The following CFAP221 variants were observed in gnomAD, a reference collection of about 807,000 sequenced individuals.
The protein encoded by CFAP221 is cilia- and flagella-associated protein 221.
Under a neutral mutation model 113.1 loss-of-function variants are expected in CFAP221, and 97 were observed. The observed-to-expected ratio is 0.86, with a 90% CI of 0.73 to 1.02. The LOEUF (loss-of-function observed/expected upper bound fraction) is 1.02, where lower values mean the gene tolerates loss of function less well. CFAP221 is among the 50% of genes least tolerant of loss of function. CFAP221 has a pLI of 0.00. For synonymous variants in CFAP221, 331 were observed against 354.4 expected (o/e 0.93, Z 0.74); for missense variants, 1,025 against 1,013.4 (o/e 1.01, Z -0.16).
intron 3 of CFAP221, among the ~76,000 whole-genome samples, chr2:119,552,350 GAAAT>G (rs1426482695): frequency 4.7e-5 from 6 of 128,592 alleles, no homozygotes; most frequent in African/African-American, 1.4e-4. Context: ...TCTTTAATAA[GAAAT>G]AAATAGAAAT....
At chr2:119,597,300 G>C (rs973740534) in intron 7 of CFAP221, among the ~76,000 whole-genome samples, 1 of 152,230 alleles carries the variant, frequency 6.6e-6, no homozygotes, top group Non-Finnish European at 1.5e-5. Flanking sequence ...GTCAGGGTCT[G>C]TGTGGTCCTG....
At chr2:119,591,114 G>A (rs1239017291) in intron 7 of CFAP221, among the ~76,000 whole-genome samples, 1 of 152,172 alleles carries the variant, frequency 6.6e-6, no homozygotes, top group Non-Finnish European at 1.5e-5. Context: ...GAGGGCCTCT[G>A]ATAATGATAA....
chr2:119,620,044 A>G (rs997439635), intron 14 of CFAP221, among the ~76,000 whole-genome samples: 1 of 152,198 alleles, frequency 6.6e-6, no homozygotes, highest in African/African-American at 2.4e-5. Context: ...TTAGAGAAAA[A>G]AGAATGAAAA....
In CFAP221 at chr2:119,639,735, T is replaced by C. The variant is rs6756301; in HGVS notation, c.2134-46T>C. The C allele has an allele frequency of 1.0e-3, 1,495 of 1,484,076 alleles. 9 individuals carry two copies. In the African/African-American group the frequency reaches 0.013, roughly 13 times the overall value. The allele number at this position is 1,484,076 out of a possible 1,614,324, so 91.9% of individuals were successfully genotyped here. A position where few individuals can be genotyped will look rare whatever the true frequency, so the allele number is the denominator to read the frequency against. ...ATAAAACAAAAGTCCTTCAGAAACT[T>C]TACCTCACCAAACAGTTGCTTCCCA... is the stretch of plus-strand genomic sequence containing the variant. On this transcript the variant is annotated intron_variant, in intron 20 of 23. Coordinates refer to ENST00000413369, the MANE Select transcript of CFAP221 (RefSeq NM_001271049.2).
intron 6 of CFAP221, among the ~76,000 whole-genome samples, chr2:119,582,193 G>C (rs1436737216): frequency 6.6e-6 from 1 of 152,142 alleles, no homozygotes. Flanking sequence ...AAACATATTT[G>C]GAAAGTAGCC....
chr2:119,549,193 C>G lies in CFAP221; in HGVS notation c.240+8C>G, dbSNP rs949165955. The G allele has an allele frequency of 2.7e-6, 4 of 1,498,564 alleles. No homozygotes were observed. The highest frequency in any genetic ancestry group is 3.6e-6 in the Non-Finnish European group (4 of 1,120,818). 92.8% of individuals were successfully genotyped at this position (1,498,564 alleles called of 1,614,324 possible). On this transcript the variant is annotated splice_region_variant and intron_variant, in intron 3 of 23. Coordinates refer to ENST00000413369, the MANE Select transcript of CFAP221 (RefSeq NM_001271049.2). The stretch of plus-strand genomic sequence containing the variant: ...CAACACCAACAGATTCTGGTAGGTA[C>G]TTTTTAAATGGGATAATTAATCATC...
At chr2:119,551,478 C>A (rs1417368943) in intron 3 of CFAP221, among the ~76,000 whole-genome samples, 1 of 152,160 alleles carries the variant, frequency 6.6e-6, no homozygotes, top group Non-Finnish European at 1.5e-5. Flanking sequence ...CAACTTCAAT[C>A]TTTTGCATGT....
At chr2:119,596,959 G>A (rs544226071) in intron 7 of CFAP221, among the ~76,000 whole-genome samples, 3 of 152,336 alleles carry the variant, frequency 2.0e-5, no homozygotes, top group South Asian at 4.1e-4. Flanking sequence ...GCTTTGGGAC[G>A]CTCATCCCAG....
At chr2:119,644,517 A>G (rs1487673468) in intron 21 of CFAP221, among the ~76,000 whole-genome samples, 1 of 152,172 alleles carries the variant, frequency 6.6e-6, no homozygotes, top group Non-Finnish European at 1.5e-5. Flanking sequence ...AGTTACTAAC[A>G]AGGATAAGCT....
At chr2:119,650,499 C>T (rs1398569749) in intron 22 of CFAP221, among the ~76,000 whole-genome samples, 2 of 152,224 alleles carry the variant, frequency 1.3e-5, no homozygotes, top group Admixed American at 6.5e-5. Flanking sequence ...GATGTGCACA[C>T]TATTTTGACT....
Position 119,545,495 on chromosome 2 carries a change from C to T in CFAP221, c.-47-590C>T, listed in dbSNP as rs74763851. Among the ~76,000 whole-genome samples, 783 of 152,260 alleles carry T rather than the reference C, an allele frequency of 5.1e-3. 5 individuals carry two copies. Among genetic ancestry groups the T allele is most frequent in the African/African-American group, 0.018 (757 of 41,550 alleles). On this transcript the variant is annotated intron_variant, in intron 1 of 23. Coordinates refer to ENST00000413369, the MANE Select transcript of CFAP221 (RefSeq NM_001271049.2). ...ACAGGGTTCGACATGAATCAAGATC[C>T]ACAGAGCTGGAATACCCCCATGTCT...
intron 14 of CFAP221, among the ~76,000 whole-genome samples, chr2:119,617,543 T>C (rs1428704489): frequency 6.6e-6 from 1 of 152,164 alleles, no homozygotes; most frequent in Admixed American, 6.5e-5. Flanking sequence ...TGAAAAAGGG[T>C]ATCAGCAATG....
At chr2:119,568,794 C>A (rs1032717426) in intron 6 of CFAP221, among the ~76,000 whole-genome samples, 1 of 152,080 alleles carries the variant, frequency 6.6e-6, no homozygotes, top group Non-Finnish European at 1.5e-5. Flanking sequence ...AGTGCTGCAA[C>A]GATTGTTCTT....
In CFAP221 at chr2:119,630,491, G is replaced by C. The variant is rs143791138; in HGVS notation, c.1732-79G>C. The stretch of plus-strand genomic sequence containing the variant: ...TCTTACTTTTACCACCAGGAAGCTC[G>C]GAAATGCTGTTGTTGAGAAGTAGAT... On this transcript the variant is annotated intron_variant, in intron 17 of 23. Transcript: ENST00000413369. 255 of 1,087,028 alleles carry C rather than the reference G, an allele frequency of 2.3e-4. 1 individual carries two copies. Among genetic ancestry groups the C allele is most frequent in the Middle Eastern group, 2.0e-3 (10 of 4,880 alleles). The allele number at this position is 1,087,028 out of a possible 1,614,324, so 67.3% of individuals were successfully genotyped here.
chr2:119,576,945 C>T (rs935442420), intron 6 of CFAP221, among the ~76,000 whole-genome samples: 1 of 152,212 alleles, frequency 6.6e-6, no homozygotes. Context: ...AAATAACTGG[C>T]GAGTTCCCTG....
intron 14 of CFAP221, among the ~76,000 whole-genome samples, chr2:119,621,740 A>G (rs1224778977): frequency 6.6e-6 from 1 of 152,204 alleles, no homozygotes; most frequent in East Asian, 1.9e-4. Context: ...AAACTCACTC[A>G]AAACCGCACA....
chr2:119,571,622 C>T (rs1351154133), intron 6 of CFAP221, among the ~76,000 whole-genome samples: 14 of 151,872 alleles, frequency 9.2e-5, no homozygotes, highest in African/African-American at 3.1e-4. Context: ...ACCTAGCTAA[C>T]TTTTTTGTAT....
chr2:119,608,286 A>T (rs966637123), intron 11 of CFAP221, among the ~76,000 whole-genome samples: 2 of 152,198 alleles, frequency 1.3e-5, no homozygotes, highest in African/African-American at 4.8e-5. Context: ...AGATGTTGTT[A>T]TTCATAACTA....
At chr2:119,560,922 A>G (rs1223846901) in intron 5 of CFAP221, among the ~76,000 whole-genome samples, 2 of 152,110 alleles carry the variant, frequency 1.3e-5, no homozygotes, top group Non-Finnish European at 2.9e-5. Context: ...CATACCCACA[A>G]TAGTATTTTA....
Sources: allele counts gnomAD v4.1 joint callset (sites outside exome capture counted in the v4.1 genomes callset), GRCh38; gene constraint gnomAD v4.1.1; transcripts MANE v1.5; gene names NCBI Gene and HGNC (gene_info 2026-07-23, HGNC 2026-07-21).